Variants in THUMPD2 observed in about 807,000 individuals in gnomAD.
THUMPD2 encodes the protein U6 snRNA (guanine-N(2))-methyltransferase THUMPD2.
A neutral mutation model predicts 49.4 loss-of-function variants in THUMPD2; 56 were observed. That is an observed-to-expected ratio of 1.13 (90% confidence interval 0.91 to 1.41). The LOEUF (loss-of-function observed/expected upper bound fraction) is 1.41, where lower values mean the gene tolerates loss of function less well. Among genes scored for constraint, THUMPD2 ranks in the 40% most tolerant of loss-of-function variants. The pLI, the probability that THUMPD2 is intolerant of heterozygous loss-of-function variation, is 0.00. For missense variants in THUMPD2, 709 were observed against 594.5 expected, an observed-to-expected ratio of 1.19 and a Z score of -2.00; for synonymous variants, 237 against 205.2, an observed-to-expected ratio of 1.15 and a Z score of -1.32.
At chr2:39,763,165 G>A (rs181833836) in intron 5 of THUMPD2, among the ~76,000 whole-genome samples, 4 of 152,030 alleles carry the variant, frequency 2.6e-5, no homozygotes, top group African/African-American at 4.8e-5. Context: ...TTCTCTGCAT[G>A]TGTGCATTTT....
intron 8 of THUMPD2, among the ~76,000 whole-genome samples, chr2:39,748,674 G>A (rs1432143781): frequency 6.6e-6 from 1 of 151,500 alleles, no homozygotes; most frequent in Non-Finnish European, 1.5e-5. Flanking sequence ...GCGACAGAGT[G>A]AGAGTCTGTC....
Position 39,779,220 on chromosome 2 carries a change from T to A in THUMPD2, c.20A>T (p.Glu7Val). 6.7e-7 allele frequency: 1 copy of A among 1,499,786 alleles called. No individual in the cohort carries two copies. Among genetic ancestry groups the A allele is most frequent in the Non-Finnish European group, 8.8e-7 (1 of 1,130,694 alleles). 92.9% of individuals were successfully genotyped at this position (1,499,786 alleles called of 1,614,324 possible). Residue 7 changes from glutamate to valine, a missense_variant, in exon 1 of 10, where the codon GAG becomes GTG. Coordinates refer to ENST00000505747, the MANE Select transcript of THUMPD2 (RefSeq NM_025264.5). ...GCCAGCCTCAGGCCCGGACCCTGGC[T>A]CTCCACGCGCCTCCGACATGGCGGC... MSEARGEPGSGPEAGAR... is the reference protein window; with the variant it reads MSEARGVPGSGPEAGAR...
intron 5 of THUMPD2, among the ~76,000 whole-genome samples, chr2:39,763,773 T>C (rs1288176750): frequency 6.6e-6 from 1 of 152,226 alleles, no homozygotes; most frequent in Non-Finnish European, 1.5e-5. Flanking sequence ...ACATCCAAGC[T>C]GTTTAACATA....
Position 39,779,145 on chromosome 2 carries a change from C to A in THUMPD2, c.95G>T (p.Arg32Leu), listed in dbSNP as rs781475297. The change falls in exon 1 of 10, where the codon CGA (arginine) becomes CTA (leucine). Residue 32 changes from arginine (R) to leucine (L), a missense_variant. By Grantham distance (102) the Arg-to-Leu change is moderately radical. Transcript: ENST00000505747. ...GGCCGCCAGCCGCGCCCGCACCTCT[C>A]GCATTACGAACGGCTCCAGGCCGCG... ...AGRGLEPFVM[R>L]EVRARLAATQ... 44 of 1,519,980 alleles carry A rather than the reference C, an allele frequency of 2.9e-5. No homozygotes were observed. The highest frequency in any genetic ancestry group is 3.4e-5 in the Non-Finnish European group (39 of 1,139,764). The allele number at this position is 1,519,980 out of a possible 1,614,324, so 94.2% of individuals were successfully genotyped here. A position where few individuals can be genotyped will look rare whatever the true frequency, so the allele number is the denominator to read the frequency against.
chr2:39,745,997 T>TA, intron 8 of THUMPD2, among the ~76,000 whole-genome samples: 1 of 152,262 alleles, frequency 6.6e-6, no homozygotes, highest in African/African-American at 2.4e-5. Context: ...TCTTCATCTG[T>TA]AAAATGGAAT....
intron 8 of THUMPD2, among the ~76,000 whole-genome samples, chr2:39,750,426 G>A (rs191414680): frequency 2.6e-5 from 4 of 152,260 alleles, no homozygotes; most frequent in Admixed American, 2.6e-4. Flanking sequence ...CATGTCTTTT[G>A]CTCACTTTTT....
In THUMPD2 at chr2:39,766,052, T is replaced by A; in HGVS notation, c.803+5A>T. ...TGGGACAAACCGGAAGCTTAGAATA[T>A]CTACCTGAACACAGGAATCCCCACC... On this transcript the variant is annotated splice_donor_5th_base_variant and intron_variant, in intron 5 of 9. Transcript: ENST00000505747. The A allele has an allele frequency of 6.3e-7, 1 of 1,576,044 alleles. No individual in the cohort carries two copies. The highest frequency in any genetic ancestry group is 8.6e-7 in the Non-Finnish European group (1 of 1,166,380).
chr2:39,755,566 C>T (rs539102908), intron 7 of THUMPD2, among the ~76,000 whole-genome samples, 157 bp from the exon 8 acceptor site: 9 of 151,936 alleles, frequency 5.9e-5, no homozygotes, highest in East Asian at 1.9e-4. Context: ...ATCATAGTAG[C>T]AAAAAATGTA....
intron 4 of THUMPD2, 175 bp from the exon 5 acceptor site, chr2:39,766,284 G>A: frequency 2.3e-6 from 1 of 442,176 alleles, no homozygotes; most frequent in Non-Finnish European, 4.0e-6. Flanking sequence ...TTAAGCAGAA[G>A]GAAACTAAAT....
At chr2:39,743,860 A>G (rs1443205516) in intron 9 of THUMPD2, among the ~76,000 whole-genome samples, 1 of 152,228 alleles carries the variant, frequency 6.6e-6, no homozygotes, top group Non-Finnish European at 1.5e-5. Context: ...CTTCATAGCA[A>G]CAGAAAATGG....
intron 6 of THUMPD2, among the ~76,000 whole-genome samples, chr2:39,756,472 C>CAA (rs11311927): frequency 7.8e-5 from 8 of 102,070 alleles, no homozygotes; most frequent in African/African-American, 1.3e-4. Context: ...GACTCCATCT[C>CAA]AAAAAAAAAA....
chr2:39,779,141 C>G lies in THUMPD2; in HGVS notation c.99G>C (p.Glu33Asp). The change falls in exon 1 of 10, where the codon GAG becomes GAC. Residue 33 changes from glutamate (E) to aspartate (D), a missense_variant. Transcript: ENST00000505747. ...GCGTGGCCGCCAGCCGCGCCCGCAC[C>G]TCTCGCATTACGAACGGCTCCAGGC... The part of the protein sequence containing the change: ...GRGLEPFVMR[E>D]VRARLAATQV... 6.6e-7 allele frequency: 1 copy of G among 1,519,622 alleles called. No individual in the cohort carries two copies. The highest frequency in any genetic ancestry group is 8.8e-7 in the Non-Finnish European group (1 of 1,139,610). 94.1% of individuals were successfully genotyped at this position (1,519,622 alleles called of 1,614,324 possible).
At chr2:39,750,153 C>T (rs1396479508) in intron 8 of THUMPD2, among the ~76,000 whole-genome samples, 4 of 152,148 alleles carry the variant, frequency 2.6e-5, no homozygotes, top group African/African-American at 4.8e-5. Flanking sequence ...TTTCTGCCTC[C>T]GGATCTTTGA....
chr2:39,768,146 C>G (rs1324642693), intron 4 of THUMPD2, among the ~76,000 whole-genome samples: 1 of 152,066 alleles, frequency 6.6e-6, no homozygotes, highest in Non-Finnish European at 1.5e-5. Context: ...GAGAACATCG[C>G]TGTAACCTCA....
chr2:39,740,143 CTG>C (rs968838561), intron 9 of THUMPD2, among the ~76,000 whole-genome samples: 4 of 152,136 alleles, frequency 2.6e-5, no homozygotes, highest in Non-Finnish European at 5.9e-5. Context: ...GATGAAGAAA[CTG>C]TGATACTGTG....
At chr2:39,767,588 A>T (rs1032995462) in intron 4 of THUMPD2, among the ~76,000 whole-genome samples, 1 of 126,888 alleles carries the variant, frequency 7.9e-6, no homozygotes, top group Non-Finnish European at 1.6e-5. Flanking sequence ...TGGGCGACAG[A>T]GCGAGACTCC....
chr2:39,776,102 A>G (rs558526451), intron 1 of THUMPD2, among the ~76,000 whole-genome samples: 1 of 152,314 alleles, frequency 6.6e-6, no homozygotes, highest in East Asian at 1.9e-4. Flanking sequence ...GTCTTACAAT[A>G]AATAGCAGTA....
chr2:39,739,108 T>C (rs1673551638), intron 9 of THUMPD2, among the ~76,000 whole-genome samples: 1 of 152,344 alleles, frequency 6.6e-6, no homozygotes, highest in Admixed American at 6.5e-5. Flanking sequence ...GTTTCCATTC[T>C]TGTCGCCCCT....
intron 6 of THUMPD2, among the ~76,000 whole-genome samples, chr2:39,759,913 T>C (rs1465959302): frequency 6.6e-6 from 1 of 152,088 alleles, no homozygotes; most frequent in Non-Finnish European, 1.5e-5. Context: ...AGACAAGACT[T>C]TACCCAAGCA....
Sources: allele counts gnomAD v4.1 joint callset (sites outside exome capture counted in the v4.1 genomes callset), GRCh38; gene constraint gnomAD v4.1.1; transcripts MANE v1.5; gene names NCBI Gene and HGNC (gene_info 2026-07-23, HGNC 2026-07-21).